The following EBF1 variants were observed in gnomAD, a reference collection of about 807,000 sequenced individuals.
EBF1 encodes the protein EBF transcription factor 1.
A neutral mutation model predicts 68.4 loss-of-function variants in EBF1; 10 were observed. The ratio of observed to expected loss-of-function variants is 0.15; its 90% confidence interval spans 0.09 to 0.25. The LOEUF (loss-of-function observed/expected upper bound fraction) is 0.25. Among genes scored for constraint, EBF1 ranks in the 10% least tolerant of loss-of-function variants. The pLI, the probability that EBF1 is intolerant of heterozygous loss-of-function variation, is 1.00. For missense variants in EBF1, 509 were observed against 794.4 expected (o/e 0.64, Z 4.32); for synonymous variants, 298 against 299.8 (o/e 0.99, Z 0.06).
intron 11 of EBF1, among the ~76,000 whole-genome samples, chr5:158,724,630 C>T (rs1762617589): frequency 6.6e-6 from 1 of 152,158 alleles, no homozygotes; most frequent in African/African-American, 2.4e-5. Context: ...CATGAATGCT[C>T]TTTAGGGAGG....
At chr5:158,706,385 G>A (rs1239012567) in intron 15 of EBF1, among the ~76,000 whole-genome samples, 15 of 152,000 alleles carry the variant, frequency 9.9e-5, no homozygotes, top group Admixed American at 9.8e-4. Flanking sequence ...TCAGGCTCTG[G>A]GGTCACATGG....
intron 6 of EBF1, among the ~76,000 whole-genome samples, chr5:159,017,221 AC>A (rs1330927380): frequency 6.6e-6 from 1 of 152,194 alleles, no homozygotes; most frequent in Non-Finnish European, 1.5e-5. Flanking sequence ...ACATCTAGCT[AC>A]CCTGCAGCTA....
chr5:158,948,970 G>A (rs1815424124), intron 6 of EBF1, among the ~76,000 whole-genome samples: 2 of 152,058 alleles, frequency 1.3e-5, no homozygotes, highest in Admixed American at 1.3e-4. Flanking sequence ...GTTGGATCAT[G>A]GCATTTTATC....
At chr5:158,985,098 T>A (rs1267380365) in intron 6 of EBF1, among the ~76,000 whole-genome samples, 1 of 152,212 alleles carries the variant, frequency 6.6e-6, no homozygotes, top group Non-Finnish European at 1.5e-5. Flanking sequence ...AATTCAAGTT[T>A]AAAGAGTAAA....
At chr5:158,953,055 T>C (rs1816366255) in intron 6 of EBF1, among the ~76,000 whole-genome samples, 1 of 151,908 alleles carries the variant, frequency 6.6e-6, no homozygotes, top group African/African-American at 2.4e-5. Flanking sequence ...AAGAGTTAAA[T>C]AGAAAGTAAT....
intron 9 of EBF1, among the ~76,000 whole-genome samples, chr5:158,793,539 T>C (rs1779067477): frequency 6.6e-6 from 1 of 152,168 alleles, no homozygotes; most frequent in African/African-American, 2.4e-5. Context: ...AGATTGCATG[T>C]GCTCTCTTAT....
chr5:158,773,946 C>T (rs560378303), intron 10 of EBF1, among the ~76,000 whole-genome samples: 14 of 152,282 alleles, frequency 9.2e-5, no homozygotes, highest in African/African-American at 2.6e-4. Flanking sequence ...GATAATAGGG[C>T]TTTGAAATCA....
intron 6 of EBF1, among the ~76,000 whole-genome samples, chr5:158,863,505 C>T (rs184577999): frequency 3.9e-5 from 6 of 152,140 alleles, no homozygotes; most frequent in East Asian, 3.9e-4. Flanking sequence ...TGCTTGATTC[C>T]GGAACAACAA....
At chr5:159,095,458 C>A (rs1782425644) in intron 4 of EBF1, among the ~76,000 whole-genome samples, 162 bp downstream of exon 4, 1 of 152,186 alleles carries the variant, frequency 6.6e-6, no homozygotes, top group African/African-American at 2.4e-5. Context: ...GCGGTGCAAG[C>A]GCATGAATGG....
At chr5:158,793,902 G>C (rs1779153545) in intron 9 of EBF1, among the ~76,000 whole-genome samples, 1 of 152,068 alleles carries the variant, frequency 6.6e-6, no homozygotes, top group African/African-American at 2.4e-5. Flanking sequence ...CCTAAATATA[G>C]AAATAGTTTA....
Position 158,698,577 on chromosome 5 carries a change from G to C in EBF1, c.*534C>G, listed in dbSNP as rs1191246175. Reference sequence around the variant, plus strand: ...ACTACCATTTGATATGCTTTAAGGCGCAAAAGCCGACCCTTAGTTTTTCTA... The same window carrying C: ...ACTACCATTTGATATGCTTTAAGGCCCAAAAGCCGACCCTTAGTTTTTCTA... On this transcript the variant is annotated 3_prime_UTR_variant, in exon 16 of 16. Coordinates refer to ENST00000313708, the MANE Select transcript of EBF1 (RefSeq NM_024007.5). 4.6e-6 allele frequency: 1 copy of C among 219,378 alleles called. No individual in the cohort carries two copies. The highest frequency in any genetic ancestry group is 9.1e-6 in the Non-Finnish European group (1 of 109,816). The allele number at this position is 219,378 out of a possible 1,614,324, so 13.6% of individuals were successfully genotyped here.
chr5:158,738,979 A>G (rs1366121), intron 10 of EBF1, among the ~76,000 whole-genome samples: 25,910 of 152,216 alleles, frequency 0.17, 2,368 homozygotes, highest in Non-Finnish European at 0.2. Flanking sequence ...AAGGCTCACC[A>G]TGTCAACTAA....
chr5:158,876,969 C>T (rs1284078031), intron 6 of EBF1, among the ~76,000 whole-genome samples: 1 of 152,132 alleles, frequency 6.6e-6, no homozygotes, highest in African/African-American at 2.4e-5. Flanking sequence ...CTTTTAGGTG[C>T]TCCAAAATAT....
At chr5:158,785,893 C>T (rs907543678) in intron 9 of EBF1, among the ~76,000 whole-genome samples, 10 of 152,102 alleles carry the variant, frequency 6.6e-5, no homozygotes, top group Non-Finnish European at 1.0e-4. Flanking sequence ...ATTCATTGTC[C>T]GTGTCCCCCT....
chr5:158,970,911 A>G (rs1451150374), intron 6 of EBF1, among the ~76,000 whole-genome samples: 4 of 152,218 alleles, frequency 2.6e-5, no homozygotes, highest in African/African-American at 9.6e-5. Context: ...TGAGACCACA[A>G]AAGTAGCTTT....
Position 159,078,543 on chromosome 5 carries a change from A to T in EBF1, c.486-5079T>A, listed in dbSNP as rs529103208. On this transcript the variant is annotated intron_variant, in intron 5 of 15. Transcript: ENST00000313708. ...TAGGCTCCTACGATGTGTGTTGGGC[A>T]CTGTACCAGGCACAGACTTGGGATT... is the stretch of plus-strand genomic sequence containing the variant. Among the ~76,000 whole-genome samples, 93 of 152,328 alleles carry T rather than the reference A, an allele frequency of 6.1e-4. 1 individual carries two copies. The highest frequency in any genetic ancestry group is 2.0e-3 in the African/African-American group (84 of 41,568).
intron 8 of EBF1, among the ~76,000 whole-genome samples, chr5:158,812,953 A>T (rs929018044): frequency 4.6e-5 from 7 of 152,142 alleles, no homozygotes; most frequent in Non-Finnish European, 8.8e-5. Flanking sequence ...CTGAGCCTAA[A>T]GGACTTTCTT....
At chr5:158,732,197 G>A (rs1025652658) in intron 10 of EBF1, among the ~76,000 whole-genome samples, 1 of 152,072 alleles carries the variant, frequency 6.6e-6, no homozygotes, top group Non-Finnish European at 1.5e-5. Flanking sequence ...GAATAAAAAA[G>A]ACAGTCTGTG....
chr5:158,777,229 T>C (rs1775476658), intron 10 of EBF1, among the ~76,000 whole-genome samples, 184 bp downstream of exon 10: 1 of 152,204 alleles, frequency 6.6e-6, no homozygotes, highest in African/African-American at 2.4e-5. Context: ...CATGGACACC[T>C]AGAAGAATTC....
Sources: allele counts gnomAD v4.1 joint callset (sites outside exome capture counted in the v4.1 genomes callset), GRCh38; gene constraint gnomAD v4.1.1; transcripts MANE v1.5; gene names NCBI Gene and HGNC (gene_info 2026-07-23, HGNC 2026-07-21).